Variants in SEMA3E observed in about 807,000 individuals in gnomAD.
SEMA3E encodes semaphorin-3E.
SEMA3E carries 49 observed loss-of-function variants against 93.6 expected under a neutral mutation model. The observed-to-expected ratio is 0.52, with a 90% confidence interval of 0.42 to 0.66. The LOEUF is 0.66. SEMA3E is among the 30% of genes least tolerant of loss of function. The probability of loss-of-function intolerance (pLI) is 0.00; values close to 1 mark genes in which losing one functional copy is unlikely to be tolerated. For synonymous variants in SEMA3E, 363 were observed against 330.7 expected, an observed-to-expected ratio of 1.10 and a Z score of -1.06; for missense variants, 906 against 964.8, an observed-to-expected ratio of 0.94 and a Z score of 0.81.
chr7:83,535,449 G>T (rs1791393600), intron 1 of SEMA3E, among the ~76,000 whole-genome samples: 1 of 149,894 alleles, frequency 6.7e-6, no homozygotes. Context: ...TAAGGAGACA[G>T]GGCAAACATT....
chr7:83,497,400 C>T (rs1308159633), intron 1 of SEMA3E, among the ~76,000 whole-genome samples: 1 of 152,080 alleles, frequency 6.6e-6, no homozygotes, highest in African/African-American at 2.4e-5. Context: ...AGACTCAAGA[C>T]TTTAACTAAA....
chr7:83,537,680 T>A (rs1338137308), intron 1 of SEMA3E, among the ~76,000 whole-genome samples: 1 of 152,226 alleles, frequency 6.6e-6, no homozygotes, highest in East Asian at 1.9e-4. Context: ...CTTTCTTTTT[T>A]ATAAACAGCT....
chr7:83,604,428 T>C (rs1793061538), intron 1 of SEMA3E, among the ~76,000 whole-genome samples: 1 of 107,758 alleles, frequency 9.3e-6, no homozygotes, highest in South Asian at 3.1e-4. Context: ...TTTCTCTCTC[T>C]ATATATATAT....
intron 4 of SEMA3E, among the ~76,000 whole-genome samples, chr7:83,457,228 CAG>C (rs56786365): frequency 0.1 from 15,665 of 150,950 alleles, 973 homozygotes; most frequent in Non-Finnish European, 0.14. Flanking sequence ...CAGAGACAGA[CAG>C]AGAGAGAGAG....
chr7:83,492,466 G>A (rs1584286365), intron 1 of SEMA3E, among the ~76,000 whole-genome samples: 1 of 152,048 alleles, frequency 6.6e-6, no homozygotes, highest in East Asian at 1.9e-4. Flanking sequence ...AAAGATAGTA[G>A]TTCTTATTTC....
At chr7:83,604,183 A>G (rs1021983974) in intron 1 of SEMA3E, among the ~76,000 whole-genome samples, 7 of 152,026 alleles carry the variant, frequency 4.6e-5, no homozygotes, top group Non-Finnish European at 8.8e-5. Flanking sequence ...GAAGGAGGAC[A>G]GAGAAATTTT....
intron 1 of SEMA3E, among the ~76,000 whole-genome samples, chr7:83,544,050 A>T (rs1791592493): frequency 6.6e-6 from 1 of 152,078 alleles, no homozygotes; most frequent in Admixed American, 6.6e-5. Context: ...TAGAATAAAG[A>T]CATTAACAAA....
In SEMA3E at chr7:83,400,162, A is replaced by G. The variant is rs1244853801; in HGVS notation, c.1232T>C (p.Met411Thr). The G allele has an allele frequency of 5.0e-6, 8 of 1,613,978 alleles. No individual in the cohort carries two copies. In the East Asian group the frequency reaches 1.8e-4, roughly 36 times the overall value. ...AIRFARSHPL[M>T]YQAIKPAHKK... ...ATGGGCAGGTTTTATGGCCTGGTAC[A>G]TTAGTGGATGACTTCTTGCAAATCG... The change falls in exon 11 of 17, where the codon ATG (methionine) becomes ACG (threonine). Residue 411 changes from methionine to threonine, a missense_variant. Physicochemically the swap from Met to Thr is moderately conservative, Grantham distance 81. Coordinates refer to ENST00000643230, the MANE Select transcript of SEMA3E (RefSeq NM_012431.3).
At chr7:83,456,069 T>G (rs560116847) in intron 4 of SEMA3E, among the ~76,000 whole-genome samples, 1 of 152,264 alleles carries the variant, frequency 6.6e-6, no homozygotes, top group Non-Finnish European at 1.5e-5. Flanking sequence ...TGGTAATTTG[T>G]TTGCAAGAAA....
chr7:83,438,889 A>T (rs1789055796), intron 4 of SEMA3E, among the ~76,000 whole-genome samples: 1 of 152,162 alleles, frequency 6.6e-6, no homozygotes, highest in South Asian at 2.1e-4. Flanking sequence ...CATGGCAAGG[A>T]AAGAACCATC....
chr7:83,446,194 C>T (rs1789224639), intron 4 of SEMA3E, among the ~76,000 whole-genome samples: 1 of 152,138 alleles, frequency 6.6e-6, no homozygotes. Flanking sequence ...GTATTCTTTC[C>T]ACTACATTAA....
chr7:83,562,688 C>T (rs781342302), intron 1 of SEMA3E, among the ~76,000 whole-genome samples: 2 of 151,966 alleles, frequency 1.3e-5, no homozygotes, highest in African/African-American at 4.8e-5. Flanking sequence ...TTTAACTGAA[C>T]CTGGCTTCTA....
chr7:83,579,349 T>C (rs1792473076), intron 1 of SEMA3E, among the ~76,000 whole-genome samples: 1 of 152,118 alleles, frequency 6.6e-6, no homozygotes, highest in Non-Finnish European at 1.5e-5. Flanking sequence ...TCAGGTATTC[T>C]TTTTTAAAAA....
In SEMA3E at chr7:83,363,859, C is replaced by CTTTTTTTTTTTTTTTTTTTTTT. The variant is rs1562743425; in HGVS notation, c.*3726_*3727insAAAAAAAAAAAAAAAAAAAAAA. 2 of 100,558 alleles carry CTTTTTTTTTTTTTTTTTTTTTT rather than the reference C, an allele frequency of 2.0e-5. 1 individual carries two copies. Among genetic ancestry groups the CTTTTTTTTTTTTTTTTTTTTTT allele is most frequent in the African/African-American group, 9.3e-5 (2 of 21,430 alleles). The allele number at this position is 100,558 out of a possible 1,614,324, so 6.2% of individuals were successfully genotyped here. A position where few individuals can be genotyped will look rare whatever the true frequency, so the allele number is the denominator to read the frequency against. The stretch of plus-strand genomic sequence containing the variant: ...AGGCTACAGGTGTCACAGGTCAATT[C>CTTTTTTTTTTTTTTTTTTTTTT]ATTTTTTTTTTTTTTTTTTTTTTTT... On this transcript the variant is annotated 3_prime_UTR_variant, in exon 17 of 17. Transcript: ENST00000643230.
At chr7:83,521,792 G>T (rs1791055191) in intron 1 of SEMA3E, among the ~76,000 whole-genome samples, 1 of 152,076 alleles carries the variant, frequency 6.6e-6, no homozygotes, top group Admixed American at 6.6e-5. Context: ...TTCATATAAG[G>T]ACACTAATCC....
intron 1 of SEMA3E, among the ~76,000 whole-genome samples, chr7:83,524,968 C>G (rs1791125322): frequency 6.6e-6 from 1 of 151,948 alleles, no homozygotes; most frequent in Admixed American, 6.6e-5. Flanking sequence ...TGACCTGAAT[C>G]CCTTCTTTCT....
chr7:83,372,266 C>T (rs769415343), intron 16 of SEMA3E: 58 of 397,784 alleles, frequency 1.5e-4, no homozygotes, highest in African/African-American at 2.7e-4. Flanking sequence ...ATCACAGATA[C>T]GTCTTAGGAC....
chr7:83,544,533 T>C (rs1172550300), intron 1 of SEMA3E, among the ~76,000 whole-genome samples: 3 of 152,152 alleles, frequency 2.0e-5, no homozygotes, highest in Non-Finnish European at 4.4e-5. Context: ...TGCCAGACAC[T>C]AAGTGCTCAC....
chr7:83,490,791 T>G (rs554868460), intron 1 of SEMA3E, among the ~76,000 whole-genome samples: 2 of 152,032 alleles, frequency 1.3e-5, no homozygotes, highest in African/African-American at 4.8e-5. Context: ...CTGATAAAAC[T>G]GGTGGGAATA....
Sources: allele counts gnomAD v4.1 joint callset (sites outside exome capture counted in the v4.1 genomes callset), GRCh38; gene constraint gnomAD v4.1.1; transcripts MANE v1.5; gene names NCBI Gene and HGNC (gene_info 2026-07-23, HGNC 2026-07-21).